The following BFSP1 variants were observed in gnomAD, a reference collection of about 807,000 sequenced individuals.
The protein encoded by BFSP1 is beaded filament structural protein 1, also known as filensin.
A neutral mutation model predicts 43.9 loss-of-function variants in BFSP1; 38 were observed. That is an observed-to-expected ratio of 0.87 (90% CI 0.67 to 1.14). BFSP1 has a LOEUF of 1.14. BFSP1 is among the 50% of genes most tolerant of loss of function. The pLI, the probability that BFSP1 is intolerant of heterozygous loss-of-function variation, is 0.00. For missense variants in BFSP1, 850 were observed against 875.1 expected (o/e 0.97, Z 0.36); for synonymous variants, 352 against 354.8 (o/e 0.99, Z 0.09).
chr20:17,568,352 C>A (rs2035146921), intron 1 of BFSP1, among the ~76,000 whole-genome samples: 1 of 152,064 alleles, frequency 6.6e-6, no homozygotes, highest in Admixed American at 6.6e-5. Flanking sequence ...CTTAAATGAG[C>A]ACCATTCACT....
intron 1 of BFSP1, among the ~76,000 whole-genome samples, chr20:17,548,548 T>C (rs905473287): frequency 6.6e-6 from 1 of 152,194 alleles, no homozygotes; most frequent in East Asian, 1.9e-4. Flanking sequence ...CCAAGATAAC[T>C]TGGGGTTCTT....
Position 17,494,202 on chromosome 20 carries a change from C to T in BFSP1, c.1870G>A (p.Val624Met). The T allele has an allele frequency of 6.2e-7, 1 of 1,614,200 alleles. No homozygotes were observed. The highest frequency in any genetic ancestry group is 8.5e-7 in the Non-Finnish European group (1 of 1,180,050). ...PKALAYKTVE[V>M]VESIEKISTE... ...GAAATCTTCTCGATAGATTCCACCACTTCCACTGTCTTATAGGCCAAAGCC... is the reference window on the plus strand; with the variant it reads ...GAAATCTTCTCGATAGATTCCACCATTTCCACTGTCTTATAGGCCAAAGCC... Residue 624 changes from valine (V) to methionine (M), a missense_variant, in exon 8 of 8, where the codon GTG (valine) becomes ATG (methionine). Transcript: ENST00000377873.
chr20:17,531,069 G>A lies in BFSP1; in HGVS notation c.261C>T (p.Ala87=), dbSNP rs905972474. ...RLGELAGPED[A]LARQVESNRQ... Reference sequence around the variant, plus strand: ...GGTTGCTCTCGACTTGGCGGGCGAGGGCGTCCTCGGGCCCGGCCAGCTCGC... The same window carrying A: ...GGTTGCTCTCGACTTGGCGGGCGAGAGCGTCCTCGGGCCCGGCCAGCTCGC... Residue 87 remains alanine (A), a synonymous_variant, in exon 1 of 8, where the codon GCC becomes GCT. Transcript: ENST00000377873. 4 of 1,395,304 alleles carry A rather than the reference G, an allele frequency of 2.9e-6. No individual in the cohort carries two copies. Among genetic ancestry groups the A allele is most frequent in the South Asian group, 1.5e-5 (1 of 64,622 alleles). The allele number at this position is 1,395,304 out of a possible 1,614,324, so 86.4% of individuals were successfully genotyped here.
intron 1 of BFSP1, among the ~76,000 whole-genome samples, chr20:17,553,840 C>CACAT (rs1555805813): frequency 3.7e-5 from 4 of 108,502 alleles, no homozygotes; most frequent in Admixed American, 9.7e-5. Flanking sequence ...TATATATACA[C>CACAT]ATATATATAC....
upstream of BFSP1, among the ~76,000 whole-genome samples, chr20:17,535,958 A>T (rs935032964): frequency 8.6e-5 from 13 of 151,914 alleles, no homozygotes; most frequent in Admixed American, 1.3e-4. Flanking sequence ...TTATTTTTTT[A>T]AAAAAACAGG....
intron 1 of BFSP1, among the ~76,000 whole-genome samples, chr20:17,537,306 C>T (rs1479450458): frequency 1.3e-5 from 2 of 152,266 alleles, no homozygotes; most frequent in East Asian, 3.9e-4. Context: ...TCCCTGTAGC[C>T]AGGCCTCTCC....
At chr20:17,552,445 A>G (rs936969206) in intron 1 of BFSP1, among the ~76,000 whole-genome samples, 3 of 152,144 alleles carry the variant, frequency 2.0e-5, no homozygotes, top group African/African-American at 7.2e-5. Context: ...AATCCTCCAT[A>G]AGGATTTGGC....
At chr20:17,553,692 G>A (rs2034931373) in intron 1 of BFSP1, among the ~76,000 whole-genome samples, 1 of 150,464 alleles carries the variant, frequency 6.6e-6, no homozygotes, top group Admixed American at 6.7e-5. Context: ...TGATCATCAA[G>A]GCCTTTCGGA....
At chr20:17,497,497 T>A (rs1024086010) in intron 6 of BFSP1, among the ~76,000 whole-genome samples, 1 of 146,722 alleles carries the variant, frequency 6.8e-6, no homozygotes, top group Non-Finnish European at 1.5e-5. Flanking sequence ...TATATATATA[T>A]ACACGTATAT....
chr20:17,564,099 G>A (rs1458592857), intron 1 of BFSP1, among the ~76,000 whole-genome samples: 1 of 151,922 alleles, frequency 6.6e-6, no homozygotes, highest in East Asian at 1.9e-4. Flanking sequence ...TTGGGAGGCG[G>A]AGGCAGGAGG....
Position 17,496,997 on chromosome 20 carries a change from G to T in BFSP1, c.983C>A (p.Pro328His). 1 of 1,542,070 alleles carries T rather than the reference G, an allele frequency of 6.5e-7. No homozygotes were observed. Among genetic ancestry groups the T allele is most frequent in the Non-Finnish European group, 8.7e-7 (1 of 1,144,190 alleles). ...ATGGCTCTGGGTGAACAGGGGAATG[G>T]GAGTTTCAATGAAGGCAGAGGTCAG... ...NRLTSAFIETPIPLFTQSHGV... is the reference protein window; with the variant it reads ...NRLTSAFIETHIPLFTQSHGV... The change falls in exon 7 of 8, where the codon CCC (proline) becomes CAC (histidine). Residue 328 changes from proline (P) to histidine (H), a missense_variant. By Grantham distance (77) the Pro-to-His change is moderately conservative. Transcript: ENST00000377873.
At chr20:17,549,009 C>T (rs1568715261) in intron 1 of BFSP1, among the ~76,000 whole-genome samples, 1 of 152,256 alleles carries the variant, frequency 6.6e-6, no homozygotes, top group South Asian at 2.1e-4. Flanking sequence ...TAGAGTCTCA[C>T]TATGTTGCCC....
chr20:17,509,862 AT>A (rs2034034387), intron 4 of BFSP1, among the ~76,000 whole-genome samples: 1 of 152,216 alleles, frequency 6.6e-6, no homozygotes, highest in Admixed American at 6.5e-5. Flanking sequence ...CTATTCAAAA[AT>A]ATTCAAATTG....
At chr20:17,501,039 G>A (rs1025307611) in intron 5 of BFSP1, among the ~76,000 whole-genome samples, 9 of 152,156 alleles carry the variant, frequency 5.9e-5, no homozygotes, top group Non-Finnish European at 1.0e-4. Context: ...CAGTTCCCAC[G>A]TGATGTTGAT....
intron 1 of BFSP1, among the ~76,000 whole-genome samples, chr20:17,542,604 GA>G (rs371963946): frequency 2.5e-3 from 364 of 146,158 alleles, no homozygotes; most frequent in Admixed American, 3.5e-3. Flanking sequence ...ATCTTAAAAA[GA>G]AAAAAAAAAG....
intron 4 of BFSP1, 118 bp downstream of exon 4, chr20:17,511,858 A>T: frequency 1.4e-6 from 1 of 707,240 alleles, no homozygotes; most frequent in Non-Finnish European, 2.4e-6. Context: ...ACAAGGCAGG[A>T]GTGGGGAGTG....
Position 17,508,906 on chromosome 20 carries a change from C to T in BFSP1, c.718G>A (p.Val240Met), listed in dbSNP as rs1276077177. The change falls in exon 5 of 8, where the codon GTG becomes ATG. Residue 240 changes from valine to methionine, a missense_variant. Coordinates refer to ENST00000377873, the MANE Select transcript of BFSP1 (RefSeq NM_001195.5). ...GAGCGTACCTGTGCCTGCAGCTCCACTCTCTGCGCCTGCAGGTGGGAGAGC... is the reference window on the plus strand; with the variant it reads ...GAGCGTACCTGTGCCTGCAGCTCCATTCTCTGCGCCTGCAGGTGGGAGAGC... ...EVLSHLQAQR[V>M]ELQAQTTTLE... 34 of 1,601,928 alleles carry T rather than the reference C, an allele frequency of 2.1e-5. No homozygotes were observed. The highest frequency in any genetic ancestry group is 2.9e-5 in the Non-Finnish European group (34 of 1,175,058).
intron 1 of BFSP1, among the ~76,000 whole-genome samples, chr20:17,553,651 C>T (rs2034930508): frequency 6.6e-6 from 1 of 151,490 alleles, no homozygotes; most frequent in Non-Finnish European, 1.5e-5. Flanking sequence ...ACAGTGGAGG[C>T]AAGTGGGGTG....
chr20:17,497,372 T>A (rs1014730805), intron 6 of BFSP1, among the ~76,000 whole-genome samples: 1 of 151,360 alleles, frequency 6.6e-6, no homozygotes, highest in South Asian at 2.1e-4. Context: ...GTTAGAGTAG[T>A]CAACCCAGGC....
Sources: gnomAD v4.1 joint callset for allele counts (sites outside exome capture counted in the v4.1 genomes callset) on GRCh38, gnomAD v4.1.1 for gene constraint, MANE v1.5 for transcripts, NCBI Gene and HGNC (gene_info 2026-07-23, HGNC 2026-07-21) for gene names.